CAMK1D: variants seen among roughly 807,000 people sequenced by gnomAD.
CAMK1D encodes calcium/calmodulin-dependent protein kinase type 1D.
Under a neutral mutation model 47.7 loss-of-function variants are expected in CAMK1D, and 9 were observed. That is an observed-to-expected ratio of 0.19 (90% confidence interval 0.11 to 0.33). The LOEUF is 0.33. Among genes scored for constraint, CAMK1D ranks in the 10% least tolerant of loss-of-function variants. The pLI, the probability that CAMK1D is intolerant of heterozygous loss-of-function variation, is 1.00. For synonymous variants in CAMK1D, 184 were observed against 184.9 expected (o/e 0.99, Z 0.04); for missense variants, 291 against 488.7 (o/e 0.60, Z 3.81).
intron 2 of CAMK1D, among the ~76,000 whole-genome samples, chr10:12,570,092 C>G (rs774753408): frequency 6.6e-6 from 1 of 151,966 alleles, no homozygotes; most frequent in Non-Finnish European, 1.5e-5. Context: ...CCCAGCTACT[C>G]CGGAGGCTGA....
At chr10:12,507,164 T>G (rs768153007) in intron 1 of CAMK1D, among the ~76,000 whole-genome samples, 3 of 152,236 alleles carry the variant, frequency 2.0e-5, no homozygotes, top group Non-Finnish European at 4.4e-5. Context: ...GGACTTTTCT[T>G]GCAGCCTTGT....
chr10:12,532,568 C>T (rs566998537), intron 1 of CAMK1D, among the ~76,000 whole-genome samples: 2 of 152,300 alleles, frequency 1.3e-5, no homozygotes, highest in South Asian at 2.1e-4. Flanking sequence ...CGTGAGCCAC[C>T]GTGCCCGGCC....
chr10:12,695,596 G>A (rs892715643), intron 3 of CAMK1D, among the ~76,000 whole-genome samples: 2 of 152,188 alleles, frequency 1.3e-5, no homozygotes, highest in African/African-American at 4.8e-5. Flanking sequence ...GTGTGGTGCT[G>A]TAGTCACTGT....
At chr10:12,553,687 C>T (rs990973350) in intron 2 of CAMK1D, among the ~76,000 whole-genome samples, 1 of 152,144 alleles carries the variant, frequency 6.6e-6, no homozygotes, top group African/African-American at 2.4e-5. Context: ...ATGGAGTTAC[C>T]GGCGTCTCCC....
At chr10:12,443,557 G>A (rs1008143267) in intron 1 of CAMK1D, among the ~76,000 whole-genome samples, 2 of 152,276 alleles carry the variant, frequency 1.3e-5, no homozygotes, top group East Asian at 1.9e-4. Flanking sequence ...AAGTTTCTTC[G>A]GAAGGTAAAG....
chr10:12,380,911 C>T (rs1838321610), intron 1 of CAMK1D, among the ~76,000 whole-genome samples: 1 of 152,118 alleles, frequency 6.6e-6, no homozygotes, highest in African/African-American at 2.4e-5. Flanking sequence ...ATTGAAGGCT[C>T]ACACATTTAG....
At chr10:12,722,708 C>A (rs998254248) in intron 3 of CAMK1D, among the ~76,000 whole-genome samples, 2 of 152,092 alleles carry the variant, frequency 1.3e-5, no homozygotes, top group African/African-American at 4.8e-5. Flanking sequence ...AAGGTCCTTA[C>A]CATTTAAACT....
chr10:12,763,308 C>T (rs989620762), intron 4 of CAMK1D, among the ~76,000 whole-genome samples: 2 of 152,186 alleles, frequency 1.3e-5, no homozygotes, highest in Non-Finnish European at 2.9e-5. Flanking sequence ...AAGCCCAGAG[C>T]AATAGAGAGA....
intron 2 of CAMK1D, among the ~76,000 whole-genome samples, chr10:12,648,244 G>A (rs553824844): frequency 2.0e-5 from 3 of 152,134 alleles, no homozygotes; most frequent in Non-Finnish European, 2.9e-5. Flanking sequence ...ATGGAGGGCT[G>A]GCTAGAATAT....
At chr10:12,719,401 G>C (rs1834282144) in intron 3 of CAMK1D, among the ~76,000 whole-genome samples, 1 of 146,216 alleles carries the variant, frequency 6.8e-6, no homozygotes, top group African/African-American at 2.6e-5. Flanking sequence ...GAGTGAGACT[G>C]TGCCTCAGGA....
At chr10:12,410,249 C>T (rs928929405) in intron 1 of CAMK1D, among the ~76,000 whole-genome samples, 7 of 152,206 alleles carry the variant, frequency 4.6e-5, no homozygotes, top group African/African-American at 1.7e-4. Context: ...GGTTACAAGG[C>T]AGAAATGCCA....
At chr10:12,726,795 T>C (rs968320245) in intron 3 of CAMK1D, among the ~76,000 whole-genome samples, 1 of 152,244 alleles carries the variant, frequency 6.6e-6, no homozygotes, top group Non-Finnish European at 1.5e-5. Flanking sequence ...TTACCTACTA[T>C]GACTGTGGTT....
In CAMK1D at chr10:12,634,618, G is replaced by A. The variant is rs561055176; in HGVS notation, c.225-32118G>A. Among the ~76,000 whole-genome samples the A allele has an allele frequency of 5.9e-5, 9 of 152,308 alleles. No individual in the cohort carries two copies. In the East Asian group the frequency reaches 1.7e-3, roughly 29 times the overall value. The stretch of plus-strand genomic sequence containing the variant: ...GTCAGATGCCATCCATGTAGGAGAT[G>A]CTCCTTCCAGACAGCCCCCCAGAGC... On this transcript the variant is annotated intron_variant, in intron 2 of 10. Transcript: ENST00000619168.
chr10:12,374,382 T>C lies in CAMK1D; in HGVS notation c.92+24472T>C, dbSNP rs897455904. The stretch of plus-strand genomic sequence containing the variant: ...AGAGCTGGCTTCTAGCCATTCCCTG[T>C]GTCCTACCATTCCCCGTGAACTCCT... On this transcript the variant is annotated intron_variant, in intron 1 of 10. Coordinates refer to ENST00000619168, the MANE Select transcript of CAMK1D (RefSeq NM_153498.4). 9.9e-5 allele frequency among the ~76,000 whole-genome samples: 15 copies of C among 152,196 alleles called. No homozygotes were observed. The South Asian group carries it at 3.1e-3, about 32-fold the overall frequency.
chr10:12,787,474 C>T (rs1009775891), intron 5 of CAMK1D, among the ~76,000 whole-genome samples: 1 of 152,196 alleles, frequency 6.6e-6, no homozygotes, highest in Non-Finnish European at 1.5e-5. Context: ...GCATAGAGCA[C>T]TCACGAGAAC....
chr10:12,509,411 C>T (rs1269240145), intron 1 of CAMK1D, among the ~76,000 whole-genome samples: 1 of 152,180 alleles, frequency 6.6e-6, no homozygotes, highest in Non-Finnish European at 1.5e-5. Context: ...GGAGTGATGC[C>T]ACTCTTTTCT....
At chr10:12,601,850 C>G (rs931828165) in intron 2 of CAMK1D, among the ~76,000 whole-genome samples, 1 of 152,218 alleles carries the variant, frequency 6.6e-6, no homozygotes, top group Non-Finnish European at 1.5e-5. Flanking sequence ...GTCTTAGCCT[C>G]GGTAGCTCGT....
chr10:12,805,323 T>G (rs1838678498), intron 6 of CAMK1D, among the ~76,000 whole-genome samples: 1 of 151,450 alleles, frequency 6.6e-6, no homozygotes, highest in African/African-American at 2.4e-5. Context: ...GGTGGGAAGG[T>G]AAACATTATA....
intron 1 of CAMK1D, among the ~76,000 whole-genome samples, chr10:12,491,350 G>C (rs1284493487): frequency 5.3e-5 from 8 of 152,158 alleles, no homozygotes; most frequent in Non-Finnish European, 8.8e-5. Flanking sequence ...TAGTGCTTTT[G>C]CCAGAAGCAC....
Sources: gnomAD v4.1 joint callset for allele counts (sites outside exome capture counted in the v4.1 genomes callset) on GRCh38, gnomAD v4.1.1 for gene constraint, MANE v1.5 for transcripts, NCBI Gene and HGNC (gene_info 2026-07-23, HGNC 2026-07-21) for gene names.